Variants in EEIG2 observed in about 807,000 individuals in gnomAD.
EEIG2 encodes family with sequence similarity 102 member B.
the EEIG2 span, chr1:108,637,643 T>C: frequency 6.6e-6 from 1 of 152,180 alleles, no homozygotes; most frequent in Non-Finnish European, 1.5e-5. Context: ...ATGTATACAA[T>C]ACTTTTTCTA....
chr1:108,573,077 G>T, the EEIG2 span, among the ~76,000 whole-genome samples: 3 of 152,164 alleles, frequency 2.0e-5, no homozygotes, highest in African/African-American at 7.2e-5. Context: ...GCATGTTTCT[G>T]TGTAGACATA....
the EEIG2 span, among the ~76,000 whole-genome samples, chr1:108,579,439 G>A: frequency 6.8e-6 from 1 of 147,220 alleles, no homozygotes; most frequent in Non-Finnish European, 1.5e-5. Context: ...GATTCATAAA[G>A]CAAGTCCTGA....
the EEIG2 span, among the ~76,000 whole-genome samples, chr1:108,593,469 C>T: frequency 6.6e-6 from 1 of 152,230 alleles, no homozygotes; most frequent in Non-Finnish European, 1.5e-5. Context: ...CATGCCTACC[C>T]TGTAAGCTGC....
At chr1:108,635,052 A>T in the EEIG2 span, 4 of 1,591,126 alleles carry the variant, frequency 2.5e-6, no homozygotes, top group Non-Finnish European at 3.4e-6. Context: ...GTTACTTGGA[A>T]CAGTTTCAAA....
chr1:108,561,899 C>G, the EEIG2 span, among the ~76,000 whole-genome samples: 1 of 152,222 alleles, frequency 6.6e-6, no homozygotes, highest in Non-Finnish European at 1.5e-5. Context: ...CGACGCCAGG[C>G]AGTTAGACTG....
At chr1:108,587,013 T>C in the EEIG2 span, among the ~76,000 whole-genome samples, 22 of 152,184 alleles carry the variant, frequency 1.4e-4, no homozygotes, top group Non-Finnish European at 2.9e-4. Context: ...AAGATCTAAC[T>C]TGTAATTCAT....
the EEIG2 span, chr1:108,639,149 C>T: frequency 6.6e-6 from 1 of 151,236 alleles, no homozygotes; most frequent in Non-Finnish European, 1.5e-5. Context: ...GTATTCTGTT[C>T]TAATACTTGG....
chr1:108,573,019 C>T, the EEIG2 span, among the ~76,000 whole-genome samples: 1 of 152,156 alleles, frequency 6.6e-6, no homozygotes, highest in African/African-American at 2.4e-5. Flanking sequence ...ATCTTAGTTG[C>T]TTCCAAGTTT....
the EEIG2 span, among the ~76,000 whole-genome samples, chr1:108,569,877 C>A: frequency 6.6e-6 from 1 of 152,156 alleles, no homozygotes; most frequent in Non-Finnish European, 1.5e-5. Context: ...ACGTGTCCAA[C>A]CTACAGTCCA....
At chr1:108,614,832 C>G in the EEIG2 span, among the ~76,000 whole-genome samples, 3 of 152,210 alleles carry the variant, frequency 2.0e-5, no homozygotes, top group African/African-American at 7.2e-5. Flanking sequence ...TCTTCAACTA[C>G]TGTCCCACAT....
the EEIG2 span, among the ~76,000 whole-genome samples, chr1:108,589,073 A>C: frequency 6.6e-6 from 1 of 152,140 alleles, no homozygotes; most frequent in Non-Finnish European, 1.5e-5. Flanking sequence ...AGTTCCTTGC[A>C]TTAGAGCTCA....
chr1:108,628,084 T>A, the EEIG2 span: 1 of 1,197,028 alleles, frequency 8.4e-7, no homozygotes, highest in Non-Finnish European at 1.2e-6. Context: ...CTTGGCAGAG[T>A]TTATAAAGTC....
chr1:108,586,837 A>G, the EEIG2 span, among the ~76,000 whole-genome samples: 4 of 152,194 alleles, frequency 2.6e-5, no homozygotes, highest in South Asian at 8.3e-4. Context: ...GTTTACAACT[A>G]TTATTTTCCC....
At chr1:108,582,144 A>G in the EEIG2 span, among the ~76,000 whole-genome samples, 1 of 152,206 alleles carries the variant, frequency 6.6e-6, no homozygotes, top group Non-Finnish European at 1.5e-5. Context: ...AAATTAAGGT[A>G]TATACATTTT....
At chr1:108,604,404 T>C in the EEIG2 span, among the ~76,000 whole-genome samples, 40 of 152,308 alleles carry the variant, frequency 2.6e-4, no homozygotes, top group Admixed American at 7.8e-4. Context: ...AGTTAAAACA[T>C]ATAAGTGGTC....
chr1:108,606,395 G>T, the EEIG2 span: 1 of 459,416 alleles, frequency 2.2e-6, no homozygotes. Flanking sequence ...TGAACAGTTG[G>T]ATCTAACAGT....
At chr1:108,628,871 T>A in the EEIG2 span, 1 of 1,457,364 alleles carries the variant, frequency 6.9e-7, no homozygotes, top group African/African-American at 1.4e-5. Flanking sequence ...TAGTCAGCAG[T>A]AAAGAGGCTC....
the EEIG2 span, chr1:108,624,843 C>T: frequency 4.4e-6 from 4 of 904,536 alleles, no homozygotes; most frequent in South Asian, 4.4e-5. Context: ...TGACTTGAAA[C>T]AGGCCAATAA....
chr1:108,583,165 G>GT, the EEIG2 span, among the ~76,000 whole-genome samples: 4,514 of 150,184 alleles, frequency 0.03, 90 homozygotes, highest in Non-Finnish European at 0.041. Flanking sequence ...TTTGTTTTTT[G>GT]TTTTTTTTTG....
Sources: gnomAD v4.1 joint callset for allele counts (sites outside exome capture counted in the v4.1 genomes callset) on GRCh38, gnomAD v4.1.1 for gene constraint, MANE v1.5 for transcripts, NCBI Gene and HGNC (gene_info 2026-07-23, HGNC 2026-07-21) for gene names.